Variants in AUTS2 observed in about 807,000 individuals in gnomAD.
The protein encoded by AUTS2 is activator of transcription and developmental regulator AUTS2.
Under a neutral mutation model 112.4 loss-of-function variants are expected in AUTS2, and 17 were observed. The ratio of observed to expected loss-of-function variants is 0.15; its 90% CI spans 0.10 to 0.23. The LOEUF (loss-of-function observed/expected upper bound fraction) is 0.23, where lower values mean the gene tolerates loss of function less well. AUTS2 is among the 10% of genes least tolerant of loss of function. The pLI is 1.00. For synonymous variants in AUTS2, 751 were observed against 702.7 expected (o/e 1.07, Z -1.09); for missense variants, 1,510 against 1,701.6 (o/e 0.89, Z 1.98).
intron 2 of AUTS2, among the ~76,000 whole-genome samples, 181 bp from the exon 3 acceptor site, chr7:70,117,951 C>T (rs1184180241): frequency 1.3e-5 from 2 of 151,894 alleles, no homozygotes; most frequent in Non-Finnish European, 2.9e-5. Context: ...GTTTCCACCT[C>T]GTTGGTCAGG....
At chr7:69,802,190 C>T (rs954612611) in intron 1 of AUTS2, among the ~76,000 whole-genome samples, 11 of 152,150 alleles carry the variant, frequency 7.2e-5, no homozygotes, top group African/African-American at 2.4e-4. Flanking sequence ...AGCCTGAAGA[C>T]GTATGTTAAG....
intron 3 of AUTS2, among the ~76,000 whole-genome samples, chr7:70,124,019 T>C (rs1805827647): frequency 6.6e-6 from 1 of 152,194 alleles, no homozygotes; most frequent in African/African-American, 2.4e-5. Context: ...CTGTTGTTTT[T>C]TGACATTTTA....
At chr7:70,624,677 T>A (rs1043188517) in intron 5 of AUTS2, among the ~76,000 whole-genome samples, 1 of 152,110 alleles carries the variant, frequency 6.6e-6, no homozygotes, top group Admixed American at 6.6e-5. Context: ...AAACATATGC[T>A]GCTTAGAGTG....
chr7:69,748,501 A>G (rs1184105160), intron 1 of AUTS2, among the ~76,000 whole-genome samples: 1 of 152,226 alleles, frequency 6.6e-6, no homozygotes, highest in Non-Finnish European at 1.5e-5. Flanking sequence ...AGCTGTCACA[A>G]AGCTGGAACT....
At chr7:70,255,685 A>G (rs1320543417) in intron 4 of AUTS2, among the ~76,000 whole-genome samples, 1 of 151,434 alleles carries the variant, frequency 6.6e-6, no homozygotes. Context: ...CTTTGTTGTT[A>G]TGTTTGCTTT....
At chr7:70,660,233 A>C (rs1389645331) in intron 5 of AUTS2, among the ~76,000 whole-genome samples, 1 of 152,150 alleles carries the variant, frequency 6.6e-6, no homozygotes, top group Non-Finnish European at 1.5e-5. Flanking sequence ...GCAACTGTGC[A>C]TGGCATCCTT....
intron 1 of AUTS2, among the ~76,000 whole-genome samples, chr7:69,630,495 G>A (rs1388267408): frequency 6.6e-6 from 1 of 152,132 alleles, no homozygotes; most frequent in African/African-American, 2.4e-5. Flanking sequence ...GAATCACAGC[G>A]TGACCTTTCA....
chr7:70,139,252 C>G (rs1247914010), intron 4 of AUTS2, among the ~76,000 whole-genome samples: 2 of 152,202 alleles, frequency 1.3e-5, no homozygotes, highest in Non-Finnish European at 2.9e-5. Context: ...CAGGCGTGAG[C>G]CACCATGCCT....
intron 5 of AUTS2, among the ~76,000 whole-genome samples, chr7:70,563,880 C>T (rs1245308581): frequency 6.6e-6 from 1 of 152,028 alleles, no homozygotes; most frequent in Non-Finnish European, 1.5e-5. Context: ...CCATTTTTTC[C>T]ACATTTAACT....
At chr7:70,543,612 C>G (rs1375030267) in intron 5 of AUTS2, among the ~76,000 whole-genome samples, 1 of 152,060 alleles carries the variant, frequency 6.6e-6, no homozygotes, top group African/African-American at 2.4e-5. Context: ...GTTGCTCCAG[C>G]CTAAGCTGGC....
At chr7:69,645,624 G>T (rs1280138574) in intron 1 of AUTS2, among the ~76,000 whole-genome samples, 1 of 152,174 alleles carries the variant, frequency 6.6e-6, no homozygotes, top group Non-Finnish European at 1.5e-5. Context: ...AGGACATGTG[G>T]CATCTCTGTT....
At chr7:69,857,690 C>G (rs891128249) in intron 1 of AUTS2, among the ~76,000 whole-genome samples, 4 of 151,968 alleles carry the variant, frequency 2.6e-5, no homozygotes, top group Non-Finnish European at 5.9e-5. Flanking sequence ...TTTTGGACTA[C>G]TGTTTATTAA....
chr7:70,099,459 G>A (rs896884589), intron 2 of AUTS2, among the ~76,000 whole-genome samples: 2 of 151,472 alleles, frequency 1.3e-5, no homozygotes, highest in Admixed American at 6.6e-5. Context: ...TTGGCTGGTG[G>A]GGGTCATTTT....
At chr7:70,611,389 T>C (rs563946273) in intron 5 of AUTS2, among the ~76,000 whole-genome samples, 48 of 152,316 alleles carry the variant, frequency 3.2e-4, no homozygotes, top group African/African-American at 1.1e-3. Context: ...TGCACCATGA[T>C]GTAGCTTTGG....
intron 1 of AUTS2, among the ~76,000 whole-genome samples, chr7:69,878,859 G>C (rs527540959): frequency 6.6e-6 from 1 of 152,074 alleles, no homozygotes; most frequent in Non-Finnish European, 1.5e-5. Flanking sequence ...TCAACCAGTC[G>C]CTCTTAAGAT....
At chr7:70,494,536 C>T (rs1054216828) in intron 5 of AUTS2, among the ~76,000 whole-genome samples, 16 of 152,196 alleles carry the variant, frequency 1.1e-4, no homozygotes, top group African/African-American at 3.1e-4. Flanking sequence ...CTGCTTCCCA[C>T]ATTTTCTTTT....
chr7:69,825,070 CTTTA>C (rs1400092907), intron 1 of AUTS2, among the ~76,000 whole-genome samples: 1 of 152,210 alleles, frequency 6.6e-6, no homozygotes, highest in East Asian at 1.9e-4. Flanking sequence ...AAAGAAATTT[CTTTA>C]TTTAGCCAGT....
intron 4 of AUTS2, among the ~76,000 whole-genome samples, chr7:70,174,796 G>A (rs1473317431): frequency 6.6e-6 from 1 of 151,912 alleles, no homozygotes; most frequent in African/African-American, 2.4e-5. Context: ...CCTACTGCTT[G>A]GAAAAAAAGA....
intron 5 of AUTS2, among the ~76,000 whole-genome samples, chr7:70,486,682 C>G (rs1798014496): frequency 6.6e-6 from 1 of 152,100 alleles, no homozygotes; most frequent in African/African-American, 2.4e-5. Context: ...TTGCTTGAAC[C>G]TAATAGGCAG....
Sources: gnomAD v4.1 joint callset for allele counts (sites outside exome capture counted in the v4.1 genomes callset) on GRCh38, gnomAD v4.1.1 for gene constraint, MANE v1.5 for transcripts, NCBI Gene and HGNC (gene_info 2026-07-23, HGNC 2026-07-21) for gene names.